Variants in REV3L observed in about 807,000 individuals in gnomAD.
REV3L encodes the protein DNA polymerase zeta catalytic subunit.
Under a neutral mutation model 299.4 loss-of-function variants are expected in REV3L, and 69 were observed. That is an observed-to-expected ratio of 0.23 (90% CI 0.19 to 0.28). The LOEUF is 0.28. REV3L is among the 10% of genes least tolerant of loss of function. REV3L has a pLI of 1.00. For missense variants in REV3L, 3,128 were observed against 3,693.8 expected (o/e 0.85, Z 3.97); for synonymous variants, 1,238 against 1,271.4 (o/e 0.97, Z 0.56).
At chr6:111,437,625 A>C (rs1399605822) in intron 1 of REV3L, among the ~76,000 whole-genome samples, 1 of 152,054 alleles carries the variant, frequency 6.6e-6, no homozygotes, top group Non-Finnish European at 1.5e-5. Flanking sequence ...ATTTATGTGA[A>C]ATGTCCAAAA....
At chr6:111,355,072 A>C (rs995117280) in intron 18 of REV3L, among the ~76,000 whole-genome samples, 10 of 152,170 alleles carry the variant, frequency 6.6e-5, no homozygotes. Context: ...AAGTGAAGTT[A>C]ATAGTCCAAG....
intron 31 of REV3L, among the ~76,000 whole-genome samples, chr6:111,301,137 T>C (rs899174108): frequency 2.6e-5 from 4 of 151,804 alleles, no homozygotes; most frequent in Admixed American, 2.0e-4. Context: ...GGATGAAATA[T>C]GCCCTGGCCT....
At chr6:111,364,055 C>T in intron 15 of REV3L, 77 bp from the exon 16 acceptor site, 1 of 1,536,528 alleles carries the variant, frequency 6.5e-7, no homozygotes, top group Non-Finnish European at 8.7e-7. Flanking sequence ...TACTTATTCT[C>T]AGATAATATG....
chr6:111,420,277 A>T (rs1468509558), intron 1 of REV3L, among the ~76,000 whole-genome samples: 1 of 152,236 alleles, frequency 6.6e-6, no homozygotes, highest in Non-Finnish European at 1.5e-5. Flanking sequence ...TATATATGGT[A>T]TACAACATGA....
intron 21 of REV3L, among the ~76,000 whole-genome samples, chr6:111,340,683 T>G (rs1010904145): frequency 6.6e-6 from 1 of 152,086 alleles, no homozygotes; most frequent in East Asian, 1.9e-4. Context: ...AGACTTATTT[T>G]TTTGTATTCA....
At chr6:111,355,533 T>C (rs1219852966) in intron 18 of REV3L, among the ~76,000 whole-genome samples, 2 of 152,218 alleles carry the variant, frequency 1.3e-5, no homozygotes, top group Non-Finnish European at 2.9e-5. Context: ...TTTTTCTTTT[T>C]ATGACAGTTT....
intron 1 of REV3L, among the ~76,000 whole-genome samples, chr6:111,465,316 G>A (rs1382292861): frequency 6.6e-6 from 1 of 151,152 alleles, no homozygotes; most frequent in Admixed American, 6.6e-5. Context: ...TCTGACCTCA[G>A]GTGATCCACC....
At chr6:111,415,420 G>C (rs1784652770) in intron 2 of REV3L, among the ~76,000 whole-genome samples, 1 of 152,168 alleles carries the variant, frequency 6.6e-6, no homozygotes, top group Admixed American at 6.5e-5. Context: ...ATGGAAAGCA[G>C]CTCATGTGGA....
At chr6:111,317,269 G>T (rs1392036994) in intron 26 of REV3L, among the ~76,000 whole-genome samples, 2 of 151,968 alleles carry the variant, frequency 1.3e-5, no homozygotes, top group African/African-American at 2.4e-5. Flanking sequence ...AGCCTAATAT[G>T]AAAAATTAAA....
intron 9 of REV3L, among the ~76,000 whole-genome samples, chr6:111,386,523 T>C (rs1368971332): frequency 6.6e-6 from 1 of 152,174 alleles, no homozygotes; most frequent in Non-Finnish European, 1.5e-5. Flanking sequence ...TGCTGTCACT[T>C]TAAAAACAGC....
intron 1 of REV3L, among the ~76,000 whole-genome samples, chr6:111,474,265 G>GC (rs370490740): frequency 1.4e-3 from 206 of 152,238 alleles, no homozygotes; most frequent in African/African-American, 4.7e-3. Context: ...CATATCAAAC[G>GC]CACGTGGTGA....
chr6:111,415,020 A>C (rs1196793572), intron 2 of REV3L, among the ~76,000 whole-genome samples: 1 of 152,174 alleles, frequency 6.6e-6, no homozygotes, highest in Non-Finnish European at 1.5e-5. Flanking sequence ...ACAATCTATT[A>C]TTAATACAGT....
chr6:111,428,447 C>T (rs1280836443), intron 1 of REV3L, among the ~76,000 whole-genome samples: 1 of 151,832 alleles, frequency 6.6e-6, no homozygotes, highest in Non-Finnish European at 1.5e-5. Context: ...CTCTCAATAG[C>T]ACAATGGAAA....
At chr6:111,332,749 A>G (rs1775525094) in intron 23 of REV3L, among the ~76,000 whole-genome samples, 1 of 152,238 alleles carries the variant, frequency 6.6e-6, no homozygotes, top group Admixed American at 6.5e-5. Context: ...GACTATTTAT[A>G]AGAAAAATAA....
chr6:111,389,319 T>C (rs113112989), intron 6 of REV3L, 109 bp from the exon 7 acceptor site: 1 of 811,152 alleles, frequency 1.2e-6, no homozygotes, highest in Admixed American at 2.3e-5. Flanking sequence ...ATCACATATT[T>C]TGTGTAATAA....
intron 1 of REV3L, among the ~76,000 whole-genome samples, chr6:111,470,469 C>T (rs1018033196): frequency 6.6e-6 from 1 of 152,146 alleles, no homozygotes; most frequent in African/African-American, 2.4e-5. Flanking sequence ...GATAACAGTC[C>T]TATTTTATAG....
chr6:111,442,249 A>G (rs1323020441), intron 1 of REV3L, among the ~76,000 whole-genome samples: 4 of 152,158 alleles, frequency 2.6e-5, no homozygotes, highest in African/African-American at 9.7e-5. Flanking sequence ...TGAAAAGAGG[A>G]GTGTTGAAGT....
Position 111,466,316 on chromosome 6 carries a change from T to C in REV3L, c.139+16434A>G, listed in dbSNP as rs979983253. Among the ~76,000 whole-genome samples, 8 of 152,062 alleles carry C rather than the reference T, an allele frequency of 5.3e-5. No individual in the cohort carries two copies. The South Asian group carries it at 1.0e-3, about 20-fold the overall frequency. The stretch of plus-strand genomic sequence containing the variant: ...TCAAAATATACAAATTTAAAACAAT[T>C]ACAGATGCAAGGCAAAAATGAAGGA... On this transcript the variant is annotated intron_variant, in intron 1 of 31. Transcript: ENST00000368802.
intron 4 of REV3L, 123 bp from the exon 5 acceptor site, chr6:111,393,095 T>C (rs1782106770): frequency 1.7e-6 from 1 of 591,564 alleles, no homozygotes. Flanking sequence ...TGGAGTACAG[T>C]GGCGCAATCT....
Sources: gnomAD v4.1 joint callset for allele counts (sites outside exome capture counted in the v4.1 genomes callset) on GRCh38, gnomAD v4.1.1 for gene constraint, MANE v1.5 for transcripts, NCBI Gene and HGNC (gene_info 2026-07-23, HGNC 2026-07-21) for gene names.